The following WDR89 variants were observed in gnomAD, a reference collection of about 807,000 sequenced individuals.
WDR89 encodes WD repeat domain 89.
WDR89 carries 17 observed loss-of-function variants against 29.1 expected under a neutral mutation model. The ratio of observed to expected loss-of-function variants is 0.58; its 90% CI spans 0.40 to 0.88. The LOEUF (loss-of-function observed/expected upper bound fraction) is 0.88. WDR89 is among the 40% of genes least tolerant of loss of function. WDR89 has a pLI of 0.00. For missense variants in WDR89, 396 were observed against 456.3 expected (o/e 0.87, Z 1.20); for synonymous variants, 138 against 157.8 (o/e 0.87, Z 0.94).
intron 2 of WDR89, among the ~76,000 whole-genome samples, chr14:63,609,508 G>A (rs533679611): frequency 3.5e-4 from 54 of 152,206 alleles, no homozygotes; most frequent in Non-Finnish European, 6.2e-4. Flanking sequence ...AGAGCATATG[G>A]CCGGGCGTGG....
At chr14:63,629,886 T>C (rs1051241324) in intron 1 of WDR89, among the ~76,000 whole-genome samples, 8 of 152,200 alleles carry the variant, frequency 5.3e-5, no homozygotes, top group Non-Finnish European at 2.9e-5. Flanking sequence ...CGTTAAACTA[T>C]TTGAATAAAT....
intron 1 of WDR89, among the ~76,000 whole-genome samples, chr14:63,626,747 T>C (rs1427269119): frequency 7.2e-6 from 1 of 138,918 alleles, no homozygotes; most frequent in South Asian, 2.3e-4. Context: ...ATAAGATGCA[T>C]TTTCACCTAT....
rs142756620 is a variant in WDR89, at chr14:63,639,717, A to G, written c.-138+2087T>C. On this transcript the variant is annotated intron_variant, in intron 1 of 2. Transcript: ENST00000620954. ...AATCACTGAAAATGTAGTTCTTTAA[A>G]GCACATAGGGAAAAAGTAAAAAAGC... 1.2e-4 allele frequency among the ~76,000 whole-genome samples: 18 copies of G among 152,332 alleles called. No individual in the cohort carries two copies. The East Asian group carries it at 3.5e-3, about 29-fold the overall frequency.
In WDR89 at chr14:63,599,830, C is replaced by T; in HGVS notation, c.113G>A (p.Gly38Glu). The T allele has an allele frequency of 6.2e-7, 1 of 1,614,120 alleles. No homozygotes were observed. Among genetic ancestry groups the T allele is most frequent in the Non-Finnish European group, 8.5e-7 (1 of 1,180,016 alleles). The change falls in exon 3 of 3, where the codon GGA becomes GAA. Residue 38 changes from glycine to glutamate, a missense_variant. By Grantham distance (98) the Gly-to-Glu change is moderately conservative (BLOSUM62 -2). Transcript: ENST00000620954. ...TAAAACAGCAACCAAGTTTTCCTTT[C>T]CTGCTTGGACAGTCTTTGATGTGTC... ...GIDTSKTVQA[G>E]KENLVAVLCS... is the part of the protein sequence containing the mutation.
intron 2 of WDR89, among the ~76,000 whole-genome samples, chr14:63,604,762 T>G (rs1895229285): frequency 6.6e-6 from 1 of 152,234 alleles, no homozygotes; most frequent in African/African-American, 2.4e-5. Flanking sequence ...AATACATTAA[T>G]GCCTAACTGA....
chr14:63,599,348 C>T lies in WDR89; in HGVS notation c.595G>A (p.Asp199Asn), dbSNP rs772710618. Residue 199 changes from aspartate to asparagine, a missense_variant, in exon 3 of 3, where the codon GAT (aspartate) becomes AAT (asparagine). Transcript: ENST00000620954. Reference sequence around the variant, plus strand: ...TCCTCCTCATTATCAATATTAATATCAAATACATTTACCAGGCCATCAGAT... The same window carrying T: ...TCCTCCTCATTATCAATATTAATATTAAATACATTTACCAGGCCATCAGAT... ...GSSDGLVNVF[D>N]INIDNEEDAL... 5.2e-5 allele frequency: 84 copies of T among 1,614,002 alleles called. No individual in the cohort carries two copies. The highest frequency in any genetic ancestry group is 6.8e-5 in the Non-Finnish European group (80 of 1,180,040).
chr14:63,603,263 TACACAC>T (rs111304246), intron 2 of WDR89, among the ~76,000 whole-genome samples: 5 of 149,708 alleles, frequency 3.3e-5, no homozygotes, highest in African/African-American at 7.3e-5. Flanking sequence ...TTTCTCTCTC[TACACAC>T]ACACACACAC....
intron 2 of WDR89, among the ~76,000 whole-genome samples, chr14:63,609,070 C>T (rs1881788668): frequency 6.6e-6 from 1 of 151,710 alleles, no homozygotes; most frequent in African/African-American, 2.4e-5. Context: ...CGAGATGGCG[C>T]CACTGCACTC....
chr14:63,634,634 C>T (rs1303697396), intron 1 of WDR89, among the ~76,000 whole-genome samples: 2 of 152,078 alleles, frequency 1.3e-5, no homozygotes, highest in Admixed American at 6.6e-5. Flanking sequence ...CTTTCGGAGG[C>T]TGAGGCAGGC....
intron 1 of WDR89, among the ~76,000 whole-genome samples, chr14:63,640,391 A>G (rs2139588995): frequency 6.6e-6 from 1 of 152,340 alleles, no homozygotes; most frequent in South Asian, 2.1e-4. Flanking sequence ...TTGTCCAGTC[A>G]AAGGTCAGTA....
chr14:63,602,368 G>C (rs1895106195), intron 2 of WDR89, among the ~76,000 whole-genome samples: 2 of 151,110 alleles, frequency 1.3e-5, no homozygotes, highest in Non-Finnish European at 2.9e-5. Context: ...CTACTCGGGA[G>C]GCTGAGGCAG....
chr14:63,624,084 A>C (rs1176513999), intron 2 of WDR89, among the ~76,000 whole-genome samples: 2 of 152,188 alleles, frequency 1.3e-5, no homozygotes, highest in Non-Finnish European at 2.9e-5. Flanking sequence ...TTGGTTAGGC[A>C]AAGATCTCTT....
At chr14:63,627,293 A>C (rs1011937775) in intron 1 of WDR89, among the ~76,000 whole-genome samples, 7 of 152,030 alleles carry the variant, frequency 4.6e-5, no homozygotes, top group African/African-American at 1.7e-4. Flanking sequence ...TCCAAAATTA[A>C]ATATATGCGT....
chr14:63,634,895 G>C (rs1419871854), intron 1 of WDR89, among the ~76,000 whole-genome samples: 2 of 151,152 alleles, frequency 1.3e-5, no homozygotes, highest in African/African-American at 4.9e-5. Context: ...AAAATTAGCT[G>C]GGCATGGTGG....
chr14:63,606,053 T>C (rs1274543574), intron 2 of WDR89, among the ~76,000 whole-genome samples: 1 of 152,112 alleles, frequency 6.6e-6, no homozygotes, highest in Non-Finnish European at 1.5e-5. Flanking sequence ...CTCAGCAAAG[T>C]AGCGCCATCA....
At chr14:63,617,064 C>T (rs1364043792) in intron 2 of WDR89, among the ~76,000 whole-genome samples, 4 of 142,748 alleles carry the variant, frequency 2.8e-5, no homozygotes, top group African/African-American at 1.0e-4. Flanking sequence ...ATTATTAATA[C>T]TTTAATTACA....
intron 2 of WDR89, among the ~76,000 whole-genome samples, chr14:63,609,681 A>T (rs1881826604): frequency 6.6e-6 from 1 of 151,908 alleles, no homozygotes; most frequent in African/African-American, 2.4e-5. Context: ...TCCCAGCTAC[A>T]TGGGAGGCTG....
intron 1 of WDR89, among the ~76,000 whole-genome samples, chr14:63,627,956 C>T (rs1014968021): frequency 2.0e-5 from 3 of 152,162 alleles, no homozygotes; most frequent in Non-Finnish European, 4.4e-5. Context: ...CTCTAATAGG[C>T]TGAGCACAGT....
chr14:63,641,136 A>G (rs1362946177), intron 1 of WDR89, among the ~76,000 whole-genome samples: 1 of 151,972 alleles, frequency 6.6e-6, no homozygotes, highest in African/African-American at 2.4e-5. Context: ...AAGAAAAACA[A>G]AAAAGAAAAC....
Sources: allele counts gnomAD v4.1 joint callset (sites outside exome capture counted in the v4.1 genomes callset), GRCh38; gene constraint gnomAD v4.1.1; transcripts MANE v1.5; gene names NCBI Gene and HGNC (gene_info 2026-07-23, HGNC 2026-07-21).